The following HEATR1 variants were observed in gnomAD, a reference collection of about 807,000 sequenced individuals.
HEATR1 encodes the protein HEAT repeat containing 1.
HEATR1 carries 77 observed loss-of-function variants against 248.2 expected under a neutral mutation model. That is an observed-to-expected ratio of 0.31 (90% CI 0.26 to 0.37). The LOEUF (loss-of-function observed/expected upper bound fraction) is 0.37, where lower values mean the gene tolerates loss of function less well. Among genes scored for constraint, HEATR1 ranks in the 10% least tolerant of loss-of-function variants. The pLI, the probability that HEATR1 is intolerant of heterozygous loss-of-function variation, is 1.00. For synonymous variants in HEATR1, 897 were observed against 923.1 expected, an observed-to-expected ratio of 0.97 and a Z score of 0.51; for missense variants, 2,420 against 2,504.9, an observed-to-expected ratio of 0.97 and a Z score of 0.72.
intron 20 of HEATR1, among the ~76,000 whole-genome samples, chr1:236,578,992 G>C (rs57026087): frequency 6.6e-6 from 1 of 151,894 alleles, no homozygotes; most frequent in African/African-American, 2.4e-5. Flanking sequence ...AGCAAACTAC[G>C]GTCATTTATA....
chr1:236,589,097 T>A (rs991108838), intron 12 of HEATR1, among the ~76,000 whole-genome samples: 1 of 152,046 alleles, frequency 6.6e-6, no homozygotes, highest in Non-Finnish European at 1.5e-5. Flanking sequence ...AGCCTGTAAG[T>A]TGAATGTATG....
At chr1:236,556,305 T>C (rs2103124545) in intron 37 of HEATR1, 47 bp from the exon 38 acceptor site, 4 of 1,588,216 alleles carry the variant, frequency 2.5e-6, no homozygotes, top group East Asian at 2.2e-5. Context: ...AGATCTTCGC[T>C]GACAAACACA....
In HEATR1 at chr1:236,549,292, CTAT is replaced by C. The variant is rs766109630; in HGVS notation, c.*1607_*1609del. 2.0e-5 allele frequency: 5 copies of C among 255,164 alleles called. No homozygotes were observed. The highest frequency in any genetic ancestry group is 5.5e-5 in the Admixed American group (1 of 18,342). The allele number at this position is 255,164 out of a possible 1,614,324, so 15.8% of individuals were successfully genotyped here. A position where few individuals can be genotyped will look rare whatever the true frequency, so the allele number is the denominator to read the frequency against. Reference sequence around the variant, plus strand: ...AAATGGTTCCATTTCTGTGATTTTTCTATTATTTGAGGGGAGTTGGCAGAAGTT... The same window carrying C: ...AAATGGTTCCATTTCTGTGATTTTTCTATTTGAGGGGAGTTGGCAGAAGTT... On this transcript the variant is annotated 3_prime_UTR_variant, in exon 45 of 45. Transcript: ENST00000366582.
chr1:236,591,155 G>A (rs903894535), intron 11 of HEATR1, among the ~76,000 whole-genome samples: 1 of 152,096 alleles, frequency 6.6e-6, no homozygotes, highest in African/African-American at 2.4e-5. Context: ...TATTGTTAAT[G>A]GTATGATTTC....
intron 44 of HEATR1, chr1:236,551,204 A>G: frequency 1.9e-6 from 1 of 522,250 alleles, no homozygotes; most frequent in Non-Finnish European, 3.4e-6. Flanking sequence ...TTGCACTGGA[A>G]GCTGAATAAG....
chr1:236,558,789 C>T (rs1051945891), intron 35 of HEATR1, among the ~76,000 whole-genome samples: 2 of 152,178 alleles, frequency 1.3e-5, no homozygotes, highest in African/African-American at 4.8e-5. Flanking sequence ...TTCCACTAGG[C>T]TGAAATTCCA....
At chr1:236,598,530 A>G (rs2115742) in intron 4 of HEATR1, among the ~76,000 whole-genome samples, 80,893 of 152,030 alleles carry the variant, frequency 0.53, 23,558 homozygotes, top group Non-Finnish European at 0.65. Context: ...GCAAGATCCA[A>G]GGTAGATTAG....
intron 17 of HEATR1, among the ~76,000 whole-genome samples, chr1:236,584,102 T>C (rs1011492869): frequency 2.0e-5 from 3 of 152,126 alleles, no homozygotes. Context: ...AGGGATTTGA[T>C]TAACTCAACG....
Position 236,583,024 on chromosome 1 carries a change from G to T in HEATR1, c.2414C>A (p.Ser805Tyr), listed in dbSNP as rs755885940. The T allele has an allele frequency of 1.2e-6, 2 of 1,613,712 alleles. No homozygotes were observed. The highest frequency in any genetic ancestry group is 1.3e-5 in the African/African-American group (1 of 74,846). The change falls in exon 18 of 45, where the codon TCT becomes TAT. Residue 805 changes from serine (S) to tyrosine (Y), a missense_variant. Coordinates refer to ENST00000366582, the MANE Select transcript of HEATR1 (RefSeq NM_018072.6). Reference sequence around the variant, plus strand: ...AGCTTGTATCTTACCTTTAGGAAAAGATTTAGGAGCTTTCAGTGCATAAAT... The same window carrying T: ...AGCTTGTATCTTACCTTTAGGAAAATATTTAGGAGCTTTCAGTGCATAAAT... Reference protein sequence around the residue: ...KFIYALKAPKSFPKGDIWWNP... With the variant: ...KFIYALKAPKYFPKGDIWWNP...
intron 36 of HEATR1, among the ~76,000 whole-genome samples, chr1:236,557,831 C>T (rs552959398): frequency 6.6e-6 from 1 of 152,284 alleles, no homozygotes; most frequent in Admixed American, 6.5e-5. Flanking sequence ...TGCTTTTTGA[C>T]TATACTAGAC....
intron 21 of HEATR1, 67 bp downstream of exon 21, chr1:236,576,713 A>G: frequency 7.0e-7 from 1 of 1,425,694 alleles, no homozygotes; most frequent in East Asian, 2.3e-5. Flanking sequence ...AAATGTCGAG[A>G]ATGGAGAAAA....
rs1663573725 is a variant in HEATR1 at position 236,576,823 on chromosome 1, G to A, written c.2882C>T (p.Ser961Phe). 4 of 1,613,830 alleles carry A rather than the reference G, an allele frequency of 2.5e-6. No homozygotes were observed. Among genetic ancestry groups the A allele is most frequent in the South Asian group, 1.1e-5 (1 of 91,034 alleles). Residue 961 changes from serine to phenylalanine, a missense_variant, in exon 21 of 45, where the codon TCT becomes TTT. Coordinates refer to ENST00000366582, the MANE Select transcript of HEATR1 (RefSeq NM_018072.6). ...ATCTGAAGTGATCTCCTCTGCTTTAGAAATCAAATGATCTATTATCAGATA... is the reference window on the plus strand; with the variant it reads ...ATCTGAAGTGATCTCCTCTGCTTTAAAAATCAAATGATCTATTATCAGATA... ...PFYLIIDHLI[S>F]KAEEITSDAA...
At chr1:236,601,431 C>T (rs1484305714) in intron 3 of HEATR1, among the ~76,000 whole-genome samples, 1 of 152,032 alleles carries the variant, frequency 6.6e-6, no homozygotes, top group Non-Finnish European at 1.5e-5. Context: ...ATTTTTCACA[C>T]AGACAGGTTT....
Position 236,587,494 on chromosome 1 carries a change from A to T in HEATR1, c.1627-4T>A. Reference sequence around the variant, plus strand: ...AACTGAAGTGTTCTTTGAAAATCTAAAGGGAAAAAAATATCCAGAGTAGAT... The same window carrying T: ...AACTGAAGTGTTCTTTGAAAATCTATAGGGAAAAAAATATCCAGAGTAGAT... On this transcript the variant is annotated splice_region_variant and splice_polypyrimidine_tract_variant and intron_variant, in intron 13 of 44. Coordinates refer to ENST00000366582, the MANE Select transcript of HEATR1 (RefSeq NM_018072.6). 1 of 1,441,282 alleles carries T rather than the reference A, an allele frequency of 6.9e-7. No individual in the cohort carries two copies. Among genetic ancestry groups the T allele is most frequent in the Non-Finnish European group, 9.4e-7 (1 of 1,066,288 alleles). 89.3% of individuals were successfully genotyped at this position (1,441,282 alleles called of 1,614,324 possible).
In HEATR1 at chr1:236,570,667, TAAAAACAGA is replaced by T. The variant is rs571474189; in HGVS notation, c.3948+675_3948+683del. On this transcript the variant is annotated intron_variant, in intron 28 of 44. Coordinates refer to ENST00000366582, the MANE Select transcript of HEATR1 (RefSeq NM_018072.6). ...TTATGGCATCTGAACTATATTTCAA[TAAAAACAGA>T]AAAAATATTAATGATTCTTAACTGT... Among the ~76,000 whole-genome samples, 123 of 152,086 alleles carry T rather than the reference TAAAAACAGA, an allele frequency of 8.1e-4. 1 individual carries two copies. The highest frequency in any genetic ancestry group is 1.4e-3 in the Non-Finnish European group (96 of 67,996).
chr1:236,575,092 T>C (rs1663531366), intron 22 of HEATR1, among the ~76,000 whole-genome samples, 189 bp from the exon 23 acceptor site: 2 of 152,198 alleles, frequency 1.3e-5, no homozygotes. Flanking sequence ...TTTCTGACAG[T>C]TCATGTGTAA....
rs749561310 is a variant in HEATR1 at position 236,556,218 on chromosome 1, G to A, written c.5396C>T (p.Ala1799Val). The change falls in exon 38 of 45, where the codon GCG becomes GTG. Residue 1799 changes from alanine to valine, a missense_variant. Physicochemically the swap from Ala to Val is moderately conservative, Grantham distance 64 (BLOSUM62 0). Coordinates refer to ENST00000366582, the MANE Select transcript of HEATR1 (RefSeq NM_018072.6). ...LEKITSEMGS[A>V]SQANIRLTSL... ...TGTGAGACGGATATTAGCCTGTGAC[G>A]CAGAACCCATTTCACTAGTGATTTT... is the stretch of plus-strand genomic sequence containing the variant. The A allele has an allele frequency of 7.4e-6, 12 of 1,613,882 alleles. No individual in the cohort carries two copies. Among genetic ancestry groups the A allele is most frequent in the East Asian group, 6.7e-5 (3 of 44,868 alleles).
Position 236,565,909 on chromosome 1 carries a change from C to T in HEATR1, c.4435+10G>A, listed in dbSNP as rs747591175. 7 of 1,610,982 alleles carry T rather than the reference C, an allele frequency of 4.3e-6. No individual in the cohort carries two copies. The highest frequency in any genetic ancestry group is 4.0e-5 in the African/African-American group (3 of 74,836). ...GATTGAACAGTAAGTGACACCCGAT[C>T]TACGCTTACCTTCTTTTTCCTCTGG... On this transcript the variant is annotated intron_variant, in intron 31 of 44. Coordinates refer to ENST00000366582, the MANE Select transcript of HEATR1 (RefSeq NM_018072.6).
chr1:236,567,279 C>T (rs1663297546), intron 29 of HEATR1, among the ~76,000 whole-genome samples: 1 of 152,126 alleles, frequency 6.6e-6, no homozygotes, highest in Admixed American at 6.5e-5. Context: ...CACTCAGCCA[C>T]AAGAGTTTTA....
Sources: allele counts gnomAD v4.1 joint callset (sites outside exome capture counted in the v4.1 genomes callset), GRCh38; gene constraint gnomAD v4.1.1; transcripts MANE v1.5; gene names NCBI Gene and HGNC (gene_info 2026-07-23, HGNC 2026-07-21).